The following TIMM44 variants were observed in gnomAD, a reference collection of about 807,000 sequenced individuals.
TIMM44 encodes the protein mitochondrial import inner membrane translocase subunit TIM44.
Under a neutral mutation model 63.8 loss-of-function variants are expected in TIMM44, and 37 were observed. That is an observed-to-expected ratio of 0.58 (90% CI 0.45 to 0.76). TIMM44 has a LOEUF of 0.76. TIMM44 is among the 30% of genes least tolerant of loss of function. The pLI is 0.00. For synonymous variants in TIMM44, 239 were observed against 245.1 expected, an observed-to-expected ratio of 0.98 and a Z score of 0.23; for missense variants, 573 against 603.8, an observed-to-expected ratio of 0.95 and a Z score of 0.54.
intron 11 of TIMM44, 98 bp from the exon 12 acceptor site, chr19:7,927,865 T>TCCAGCACCAGGC: frequency 7.6e-7 from 1 of 1,317,652 alleles, no homozygotes; most frequent in South Asian, 1.2e-5. Flanking sequence ...AGGAGAAGGC[T>TCCAGCACCAGGC]CCAGCACCAG....
chr19:7,938,140 C>T lies in TIMM44; in HGVS notation c.199G>A (p.Val67Ile), dbSNP rs774474090. The change falls in exon 3 of 13, where the codon GTC becomes ATC. Residue 67 changes from valine (V) to isoleucine (I), a missense_variant. Coordinates refer to ENST00000270538, the MANE Select transcript of TIMM44 (RefSeq NM_006351.4). ...TTGTTTTTGGCTAATTCTTGTTTGA[C>T]ATTATCTAGCAAGCCGGACAGAAAG... ...KGFLSGLLDN[V>I]KQELAKNKEM... 1 of 1,613,846 alleles carries T rather than the reference C, an allele frequency of 6.2e-7. No individual in the cohort carries two copies. Among genetic ancestry groups the T allele is most frequent in the Non-Finnish European group, 8.5e-7 (1 of 1,179,972 alleles).
rs201631789 is a variant in TIMM44 at position 7,933,864 on chromosome 19, T to G, written c.683A>C (p.Glu228Ala). ...FKEEKVFEPNEEALGVVLHKD... is the reference protein window; with the variant it reads ...FKEEKVFEPNAEALGVVLHKD... The stretch of plus-strand genomic sequence containing the variant: ...GCGAGGGCCACGGGCTGGTACCTAC[T>G]CGTTTGGCTCAAACACTTTCTCCTC... Residue 228 changes from glutamate (E) to alanine (A), a missense_variant and splice_region_variant, in exon 6 of 13, where the codon GAG (glutamate) becomes GCG (alanine). By Grantham distance (107) the Glu-to-Ala change is moderately radical. Coordinates refer to ENST00000270538, the MANE Select transcript of TIMM44 (RefSeq NM_006351.4). This position sits in a 1 kb window ranked among gnomAD's most constrained non-coding sequence, Gnocchi z 4.3. 9.6e-4 allele frequency: 1,556 copies of G among 1,614,096 alleles called. 5 individuals are homozygous for G. The highest frequency in any genetic ancestry group is 2.4e-3 in the East Asian group (106 of 44,862).
At chr19:7,930,346 T>C (rs1279943640) in intron 10 of TIMM44, among the ~76,000 whole-genome samples, 1 of 150,398 alleles carries the variant, frequency 6.6e-6, no homozygotes, top group Non-Finnish European at 1.5e-5. Context: ...TCTTGCTCTG[T>C]TGCCCAGGCT....
intron 1 of TIMM44, 126 bp from the exon 2 acceptor site, chr19:7,941,323 G>A (rs1389084299): frequency 1.2e-5 from 9 of 723,898 alleles, no homozygotes; most frequent in Admixed American, 8.3e-5. Context: ...TTTTTGAGAC[G>A]GAGTCTCAGG....
At chr19:7,942,444 A>G (rs1305777999) in intron 1 of TIMM44, among the ~76,000 whole-genome samples, 1 of 151,898 alleles carries the variant, frequency 6.6e-6, no homozygotes. Flanking sequence ...TGGGGGAAAA[A>G]AAAAAAGCTC....
Position 7,927,207 on chromosome 19 carries a change from T to C in TIMM44, c.1339A>G (p.Ser447Gly), listed in dbSNP as rs1298066013. 3 of 1,610,714 alleles carry C rather than the reference T, an allele frequency of 1.9e-6. No individual in the cohort carries two copies. The highest frequency in any genetic ancestry group is 2.7e-5 in the African/African-American group (2 of 75,028). The change falls in exon 13 of 13, where the codon AGC becomes GGC. Residue 447 changes from serine to glycine, a missense_variant. By Grantham distance (56) the Ser-to-Gly change is moderately conservative. Coordinates refer to ENST00000270538, the MANE Select transcript of TIMM44 (RefSeq NM_006351.4). The part of the protein sequence containing the change: ...AWRLLDISAS[S>G]TEQIL ...CACACTCAGAGAATCTGCTCGGTGC[T>C]GGAGGCCGAGATGTCCAGGAGCCGC...
Position 7,933,731 on chromosome 19 carries a change from G to A in TIMM44, c.683+133C>T, listed in dbSNP as rs1984054066. On this transcript the variant is annotated intron_variant, in intron 6 of 12. Transcript: ENST00000270538. This position sits in a 1 kb window ranked among gnomAD's most constrained non-coding sequence, Gnocchi z 4.3. ...CTCACCTCTCACCCTCAAATTCGAG[G>A]GAGCCGGGAACCTTGGGCAGAAGGC... The A allele has an allele frequency of 4.8e-6, 7 of 1,455,040 alleles. No individual in the cohort carries two copies. The highest frequency in any genetic ancestry group is 4.8e-6 in the Non-Finnish European group (5 of 1,045,204). The allele number at this position is 1,455,040 out of a possible 1,614,324, so 90.1% of individuals were successfully genotyped here. A position where few individuals can be genotyped will look rare whatever the true frequency, so the allele number is the denominator to read the frequency against.
Position 7,934,051 on chromosome 19 carries a change from G to T in TIMM44, c.543+38C>A. 6.2e-7 allele frequency: 1 copy of T among 1,613,174 alleles called. No homozygotes were observed. Among genetic ancestry groups the T allele is most frequent in the African/African-American group, 1.3e-5 (1 of 75,044 alleles). On this transcript the variant is annotated intron_variant, in intron 5 of 12. Coordinates refer to ENST00000270538, the MANE Select transcript of TIMM44 (RefSeq NM_006351.4). The surrounding 1 kb of genome is among the most constrained non-coding windows in gnomAD (Gnocchi z 5.3). ...CTGGGGTGGGTGTCTGGGTTCGGCC[G>T]CCCCAGGCTGCATGCCCTAGCCCAG...
chr19:7,928,568 C>G (rs1983884614), intron 10 of TIMM44: 1 of 185,762 alleles, frequency 5.4e-6, no homozygotes. Flanking sequence ...CTGAGGCTGC[C>G]TCTGTCACTG....
chr19:7,935,747 G>A (rs1014629947), intron 3 of TIMM44, among the ~76,000 whole-genome samples: 1 of 152,300 alleles, frequency 6.6e-6, no homozygotes, highest in Admixed American at 6.5e-5. Flanking sequence ...AGGTGGCCTT[G>A]CCTGTCATCA....
chr19:7,933,462 C>T lies in TIMM44; in HGVS notation c.769+23G>A, dbSNP rs566503647. On this transcript the variant is annotated intron_variant, in intron 7 of 12. Transcript: ENST00000270538. The surrounding 1 kb of genome is among the most constrained non-coding windows in gnomAD (Gnocchi z 4.3). ...CAACTGCCCGGGACACAGTCACCTGCCCTCCAAGACACCTTCACTCACGGT... is the reference window on the plus strand; with the variant it reads ...CAACTGCCCGGGACACAGTCACCTGTCCTCCAAGACACCTTCACTCACGGT... The T allele has an allele frequency of 3.1e-6, 5 of 1,607,214 alleles. No homozygotes were observed. In the African/African-American group the frequency reaches 4.0e-5, roughly 13 times the overall value.
rs745798924 is a variant in TIMM44 at position 7,932,697 on chromosome 19, A to G, written c.917T>C (p.Val306Ala). The change falls in exon 9 of 13, where the codon GTG (valine) becomes GCG (alanine). Residue 306 changes from valine to alanine, a missense_variant. By Grantham distance (64) the Val-to-Ala change is moderately conservative. Transcript: ENST00000270538. ...CCGGTCCTTGTCAAAGGCCGGGTCC[A>G]CCCGGAGGATCTCCGTGAGCACCTC... is the stretch of plus-strand genomic sequence containing the variant. ...MSEVLTEILR[V>A]DPAFDKDRFL... 21 of 1,613,998 alleles carry G rather than the reference A, an allele frequency of 1.3e-5. No homozygotes were observed. The African/African-American group carries it at 2.7e-4, about 21-fold the overall frequency.
At chr19:7,932,016 C>CAG (rs1369270431) in intron 9 of TIMM44, among the ~76,000 whole-genome samples, 2 of 152,228 alleles carry the variant, frequency 1.3e-5, no homozygotes, top group Non-Finnish European at 2.9e-5. Context: ...AAGGGCCTTC[C>CAG]AGAGGCCTGG....
rs1182269606 is a variant in TIMM44, at chr19:7,935,536, A to G, written c.313-391T>C. Among the ~76,000 whole-genome samples, 8 of 152,186 alleles carry G rather than the reference A, an allele frequency of 5.3e-5. No homozygotes were observed. The South Asian group carries it at 1.7e-3, about 32-fold the overall frequency. ...TTCTCTTACAGCCAAAGGTCCAAGA[A>G]GCATCTTCTCCGCAGCCCCTCCCTC... On this transcript the variant is annotated intron_variant, in intron 3 of 12. Coordinates refer to ENST00000270538, the MANE Select transcript of TIMM44 (RefSeq NM_006351.4).
In TIMM44 at chr19:7,927,061, G is replaced by T. The variant is rs959303885; in HGVS notation, c.*126C>A. On this transcript the variant is annotated 3_prime_UTR_variant, in exon 13 of 13. Transcript: ENST00000270538. ...TCCCGGGCCAGCTGGTCTTGCAGCCGTCCTGGCAGAGCTGGGGGCAGAGCC... is the reference window on the plus strand; with the variant it reads ...TCCCGGGCCAGCTGGTCTTGCAGCCTTCCTGGCAGAGCTGGGGGCAGAGCC... 8 of 1,397,244 alleles carry T rather than the reference G, an allele frequency of 5.7e-6. No homozygotes were observed. Among genetic ancestry groups the T allele is most frequent in the South Asian group, 1.3e-5 (1 of 79,886 alleles). The allele number at this position is 1,397,244 out of a possible 1,614,324, so 86.6% of individuals were successfully genotyped here.
At chr19:7,931,384 C>G (rs1211454380) in intron 9 of TIMM44, 196 bp from the exon 10 acceptor site, 2 of 634,088 alleles carry the variant, frequency 3.2e-6, no homozygotes, top group Admixed American at 5.0e-5. Flanking sequence ...CAGTGCCTGG[C>G]TCTGGCCTAG....
intron 1 of TIMM44, among the ~76,000 whole-genome samples, chr19:7,941,613 G>C (rs930497073): frequency 3.3e-5 from 5 of 151,738 alleles, no homozygotes; most frequent in Non-Finnish European, 7.4e-5. Flanking sequence ...TGTATCTTAT[G>C]CCTGATGCAT....
chr19:7,928,253 C>T lies in TIMM44; in HGVS notation c.1039-87G>A, dbSNP rs565075719. ...AGCTGCTGCCCACACACCCTGGCGC[C>T]CAGGTGCCCTGCCGCCAGCCAGCAA... is the stretch of plus-strand genomic sequence containing the variant. On this transcript the variant is annotated intron_variant, in intron 10 of 12. Transcript: ENST00000270538. 87 of 1,197,216 alleles carry T rather than the reference C, an allele frequency of 7.3e-5. No individual in the cohort carries two copies. In the African/African-American group the frequency reaches 1.2e-3, roughly 16 times the overall value. The allele number at this position is 1,197,216 out of a possible 1,614,324, so 74.2% of individuals were successfully genotyped here.
intron 2 of TIMM44, among the ~76,000 whole-genome samples, chr19:7,939,152 T>C (rs1420844103): frequency 2.6e-5 from 4 of 152,016 alleles, no homozygotes; most frequent in Non-Finnish European, 4.4e-5. Context: ...TTATTAATAA[T>C]AATGTATCAA....
Sources: gnomAD v4.1 joint callset for allele counts (sites outside exome capture counted in the v4.1 genomes callset) on GRCh38, gnomAD v4.1.1 for gene constraint, Gnocchi (gnomAD v3.1) non-coding constraint, MANE v1.5 for transcripts, NCBI Gene and HGNC (gene_info 2026-07-23, HGNC 2026-07-21) for gene names.